The following DOCK9 variants were observed in gnomAD, a reference collection of about 807,000 sequenced individuals.
DOCK9 encodes dedicator of cytokinesis 9, also known as dedicator of cytokinesis protein 9.
In DOCK9, 89 loss-of-function variants were observed where a neutral mutation model predicts 263.3. The observed-to-expected ratio is 0.34, with a 90% CI of 0.28 to 0.40. The LOEUF (loss-of-function observed/expected upper bound fraction) is 0.40. Among genes scored for constraint, DOCK9 ranks in the 10% least tolerant of loss-of-function variants. DOCK9 has a pLI of 1.00. For missense variants in DOCK9, 2,140 were observed against 2,603.4 expected (o/e 0.82, Z 3.87); for synonymous variants, 976 against 973.1 (o/e 1.00, Z -0.06).
intron 2 of DOCK9, chr13:98,949,697 T>C: frequency 7.5e-6 from 2 of 266,142 alleles, no homozygotes; most frequent in African/African-American, 2.3e-5. Flanking sequence ...TCCACTACAC[T>C]GTGCTTTCAG....
chr13:98,891,939 T>C (rs2046683477), intron 15 of DOCK9, among the ~76,000 whole-genome samples: 1 of 152,178 alleles, frequency 6.6e-6, no homozygotes, highest in Non-Finnish European at 1.5e-5. Flanking sequence ...AAGATTTTAC[T>C]GCCTTTTTAT....
At chr13:98,798,202 C>T (rs1032878302) in intron 50 of DOCK9, among the ~76,000 whole-genome samples, 3 of 152,136 alleles carry the variant, frequency 2.0e-5, no homozygotes, top group African/African-American at 4.8e-5. Flanking sequence ...ATGTTCCAGG[C>T]GTCTGAGACA....
At chr13:99,075,285 AT>A (rs1037815511) in intron 1 of DOCK9, among the ~76,000 whole-genome samples, 7 of 147,974 alleles carry the variant, frequency 4.7e-5, no homozygotes, top group Non-Finnish European at 7.5e-5. Context: ...CAATACACTT[AT>A]TTTTTTAATC....
intron 1 of DOCK9, among the ~76,000 whole-genome samples, chr13:99,010,641 A>C (rs1050411543): frequency 6.6e-6 from 1 of 152,248 alleles, no homozygotes; most frequent in African/African-American, 2.4e-5. Flanking sequence ...CTTGTCCCTC[A>C]ACTGTGGTAG....
At position 98,962,890 on chromosome 13, in the gene DOCK9, T is replaced by C. The variant is rs1049847748; in HGVS notation, c.127-7339A>G. Among the ~76,000 whole-genome samples the C allele has an allele frequency of 2.0e-5, 3 of 152,070 alleles. No homozygotes were observed. The East Asian group carries it at 5.8e-4, about 29-fold the overall frequency. ...AATAACCACAGCTGGGGGTGGGCGA[T>C]AGAGAAAAGCACTTCTGACCCCCTC... On this transcript the variant is annotated intron_variant, in intron 1 of 52. Transcript: ENST00000682017.
intron 16 of DOCK9, 38 bp downstream of exon 16, chr13:98,888,594 A>G: frequency 6.2e-7 from 1 of 1,612,344 alleles, no homozygotes; most frequent in African/African-American, 1.3e-5. Context: ...AACCCAAACT[A>G]ATAAAAATTC....
intron 1 of DOCK9, among the ~76,000 whole-genome samples, chr13:99,081,920 G>C (rs553419880): frequency 6.6e-6 from 1 of 152,226 alleles, no homozygotes; most frequent in South Asian, 2.1e-4. Flanking sequence ...AATGTTCCTA[G>C]TAGCACCTCC....
At chr13:98,919,956 G>C (rs1318767199) in intron 7 of DOCK9, among the ~76,000 whole-genome samples, 1 of 152,210 alleles carries the variant, frequency 6.6e-6, no homozygotes, top group Non-Finnish European at 1.5e-5. Flanking sequence ...CCCATGTCCT[G>C]TGTATGCTTA....
chr13:99,001,522 A>G (rs1427404912), intron 1 of DOCK9, among the ~76,000 whole-genome samples: 1 of 152,216 alleles, frequency 6.6e-6, no homozygotes, highest in East Asian at 1.9e-4. Context: ...TAGCAGGGTA[A>G]CTTTTTCTGT....
At chr13:99,043,381 G>A (rs1888659936) in intron 1 of DOCK9, among the ~76,000 whole-genome samples, 2 of 152,262 alleles carry the variant, frequency 1.3e-5, no homozygotes, top group Middle Eastern at 3.4e-3. Context: ...GGGCATTTGT[G>A]GGGAATCCAC....
intron 3 of DOCK9, 27 bp downstream of exon 3, chr13:98,930,141 G>A (rs1394540520): frequency 6.3e-7 from 1 of 1,585,666 alleles, no homozygotes; most frequent in African/African-American, 1.3e-5. Flanking sequence ...ACTTCAAAAT[G>A]TAAATTAATG....
upstream of DOCK9, among the ~76,000 whole-genome samples, chr13:98,979,202 T>TAGTAGTAGG (rs1876288581): frequency 7.9e-6 from 1 of 126,608 alleles, no homozygotes; most frequent in African/African-American, 3.1e-5. Context: ...GTAGTAGTAG[T>TAGTAGTAGG]AGTAGTAGTA....
intron 1 of DOCK9, among the ~76,000 whole-genome samples, chr13:99,083,846 T>C (rs185884789): frequency 6.6e-5 from 10 of 152,328 alleles, no homozygotes; most frequent in African/African-American, 2.4e-4. Context: ...TCATCAATAC[T>C]TGAAGTGTGG....
chr13:98,950,868 G>A (rs533753801), intron 2 of DOCK9, among the ~76,000 whole-genome samples: 1 of 152,290 alleles, frequency 6.6e-6, no homozygotes, highest in South Asian at 2.1e-4. Context: ...CCACCAACAG[G>A]ACCATCTGGT....
chr13:99,043,851 C>T (rs188991388), intron 1 of DOCK9, among the ~76,000 whole-genome samples: 83 of 152,214 alleles, frequency 5.5e-4, no homozygotes, highest in Non-Finnish European at 1.2e-3. Context: ...TTGTCCCCGC[C>T]CACTGCCCTA....
chr13:99,004,490 C>T (rs1298802485), intron 1 of DOCK9, among the ~76,000 whole-genome samples: 1 of 152,178 alleles, frequency 6.6e-6, no homozygotes, highest in Non-Finnish European at 1.5e-5. Context: ...TACAGGACTG[C>T]ATCTGAGAAT....
chr13:98,958,683 A>G (rs1276703346), intron 1 of DOCK9, among the ~76,000 whole-genome samples: 1 of 152,168 alleles, frequency 6.6e-6, no homozygotes, highest in Non-Finnish European at 1.5e-5. Flanking sequence ...AGTTATCTTT[A>G]CCCCCTAATA....
chr13:98,928,653 G>T (rs2053431420), intron 3 of DOCK9, among the ~76,000 whole-genome samples: 1 of 152,106 alleles, frequency 6.6e-6, no homozygotes, highest in African/African-American at 2.4e-5. Flanking sequence ...CAGCTTTGAG[G>T]GTCATATTAT....
chr13:99,083,753 AT>A, intron 1 of DOCK9, among the ~76,000 whole-genome samples: 1 of 152,244 alleles, frequency 6.6e-6, no homozygotes, highest in Non-Finnish European at 1.5e-5. Flanking sequence ...TTATGTTTAC[AT>A]TTTAAAGCTT....
Sources: gnomAD v4.1 joint callset for allele counts (sites outside exome capture counted in the v4.1 genomes callset) on GRCh38, gnomAD v4.1.1 for gene constraint, MANE v1.5 for transcripts, NCBI Gene and HGNC (gene_info 2026-07-23, HGNC 2026-07-21) for gene names.